DNAH11: variants seen among roughly 807,000 people sequenced by gnomAD.
DNAH11 encodes dynein axonemal heavy chain 11.
DNAH11 carries 442 observed loss-of-function variants against 526.0 expected under a neutral mutation model. The observed-to-expected ratio is 0.84, with a 90% CI of 0.78 to 0.91. The LOEUF is 0.91. DNAH11 is among the 40% of genes least tolerant of loss of function. DNAH11 has a pLI of 0.00. For missense variants in DNAH11, 6,989 were observed against 5,448.7 expected (o/e 1.28, Z -8.90); for synonymous variants, 2,461 against 1,935.9 (o/e 1.27, Z -7.12).
At chr7:21,560,788 AT>A (rs1783423161) in intron 4 of DNAH11, among the ~76,000 whole-genome samples, 1 of 152,210 alleles carries the variant, frequency 6.6e-6, no homozygotes, top group Non-Finnish European at 1.5e-5. Context: ...CCCAGGAACA[AT>A]ACTTTGCATC....
Position 21,564,246 on chromosome 7 carries a change from GTC to G in DNAH11, c.1046_1047del (p.Leu349ProfsTer30). 1 of 1,613,328 alleles carries G rather than the reference GTC, an allele frequency of 6.2e-7. No individual in the cohort carries two copies. Among genetic ancestry groups the G allele is most frequent in the Admixed American group, 1.7e-5 (1 of 59,952 alleles). On this transcript the variant is annotated frameshift_variant, in exon 6 of 82. Transcript: ENST00000409508. LOFTEE classifies it high-confidence loss of function. ...AGACCTCTGAGGAGACACATCCAGT[GTC>G]TCCAGGAGACGGAATTCCCACAGAC...
chr7:21,627,760 G>C (rs1476245103), intron 25 of DNAH11, among the ~76,000 whole-genome samples: 1 of 152,074 alleles, frequency 6.6e-6, no homozygotes, highest in Admixed American at 6.5e-5. Context: ...TGACTATTCA[G>C]GGTCTTCTGT....
intron 30 of DNAH11, among the ~76,000 whole-genome samples, chr7:21,662,230 A>G (rs1351003235): frequency 1.3e-5 from 2 of 152,212 alleles, no homozygotes; most frequent in Non-Finnish European, 2.9e-5. Flanking sequence ...GTGGTACACA[A>G]CTTATTTAAT....
At chr7:21,560,221 A>C (rs1265220375) in intron 4 of DNAH11, among the ~76,000 whole-genome samples, 1 of 152,198 alleles carries the variant, frequency 6.6e-6, no homozygotes, top group East Asian at 1.9e-4. Context: ...ACATCCATTC[A>C]CATGTCTTTT....
intron 54 of DNAH11, among the ~76,000 whole-genome samples, chr7:21,756,127 G>A (rs765387635): frequency 2.0e-5 from 3 of 151,446 alleles, no homozygotes; most frequent in Non-Finnish European, 4.4e-5. Context: ...AGCAATTTTT[G>A]CACTCCATGG....
chr7:21,663,820 C>A (rs541572008), intron 30 of DNAH11, among the ~76,000 whole-genome samples: 1 of 148,166 alleles, frequency 6.7e-6, no homozygotes, highest in Non-Finnish European at 1.5e-5. Context: ...TTGCTTTATT[C>A]GTCCATTGAT....
rs529270591 is a variant in DNAH11, at chr7:21,734,630, G to T, written c.7441-1010G>T. ...CTAGCCCTTTGGGAGGCTGAGGCAGGTGATCACTTCAGCCCAGGAGTTTGA... is the reference window on the plus strand; with the variant it reads ...CTAGCCCTTTGGGAGGCTGAGGCAGTTGATCACTTCAGCCCAGGAGTTTGA... On this transcript the variant is annotated intron_variant, in intron 45 of 81. Coordinates refer to ENST00000409508, the MANE Select transcript of DNAH11 (RefSeq NM_001277115.2). Among the ~76,000 whole-genome samples, 3 of 152,298 alleles carry T rather than the reference G, an allele frequency of 2.0e-5. No homozygotes were observed. In the East Asian group the frequency reaches 5.8e-4, roughly 29 times the overall value.
At chr7:21,726,132 A>C in intron 45 of DNAH11, 148 bp downstream of exon 45, 1 of 838,026 alleles carries the variant, frequency 1.2e-6, no homozygotes, top group Non-Finnish European at 1.7e-6. Flanking sequence ...GCATCTGCTG[A>C]GCTTCTGGGA....
Position 21,599,779 on chromosome 7 carries a change from G to A in DNAH11, c.2668-8G>A. The A allele has an allele frequency of 6.6e-7, 1 of 1,524,388 alleles. No homozygotes were observed. The highest frequency in any genetic ancestry group is 8.8e-7 in the Non-Finnish European group (1 of 1,135,692). 94.4% of individuals were successfully genotyped at this position (1,524,388 alleles called of 1,614,324 possible). ...TATATTCATCCACTAATACTTGTCT[G>A]TTTCTAGGAAAATAGGAAGCTCTTC... On this transcript the variant is annotated splice_polypyrimidine_tract_variant and splice_region_variant and intron_variant, in intron 14 of 81. Coordinates refer to ENST00000409508, the MANE Select transcript of DNAH11 (RefSeq NM_001277115.2).
chr7:21,716,625 G>C (rs1452770670), intron 42 of DNAH11, among the ~76,000 whole-genome samples: 2 of 152,180 alleles, frequency 1.3e-5, no homozygotes, highest in African/African-American at 4.8e-5. Flanking sequence ...CACTCTGGCA[G>C]CTGATATGGG....
At chr7:21,689,168 A>G (rs1190629163) in intron 34 of DNAH11, among the ~76,000 whole-genome samples, 1 of 152,206 alleles carries the variant, frequency 6.6e-6, no homozygotes, top group African/African-American at 2.4e-5. Context: ...GCCATGATAG[A>G]GAGGCTCAGT....
At chr7:21,716,005 T>G (rs1784648902) in intron 42 of DNAH11, among the ~76,000 whole-genome samples, 1 of 151,980 alleles carries the variant, frequency 6.6e-6, no homozygotes, top group Non-Finnish European at 1.5e-5. Flanking sequence ...ATCGGTAGAT[T>G]TTCTCTGAGA....
At chr7:21,707,962 C>A in intron 40 of DNAH11, 127 bp downstream of exon 40, 1 of 871,358 alleles carries the variant, frequency 1.1e-6, no homozygotes, top group Non-Finnish European at 1.7e-6. Flanking sequence ...GGAAATATAG[C>A]AGATCACAAC....
At chr7:21,557,999 T>C (rs982163178) in intron 2 of DNAH11, among the ~76,000 whole-genome samples, 1 of 152,212 alleles carries the variant, frequency 6.6e-6, no homozygotes, top group Admixed American at 6.5e-5. Context: ...TGAAAGTGAA[T>C]TTTCAGCTTT....
rs781337388 is a variant in DNAH11 at position 21,710,645 on chromosome 7, A to T, written c.6776A>T (p.Asp2259Val). 6.2e-7 allele frequency: 1 copy of T among 1,613,450 alleles called. No homozygotes were observed. Among genetic ancestry groups the T allele is most frequent in the Non-Finnish European group, 8.5e-7 (1 of 1,179,652 alleles). ...GATGGACCAAAATGGATAGTCCTGG[A>T]TGGCGATATTGACCCCATGTGGATT... ...KHDGPKWIVL[D>V]GDIDPMWIES... The change falls in exon 41 of 82, where the codon GAT becomes GTT. Residue 2259 changes from aspartate to valine, a missense_variant. Transcript: ENST00000409508.
At chr7:21,755,153 T>C (rs549015076) in intron 54 of DNAH11, among the ~76,000 whole-genome samples, 39 of 152,270 alleles carry the variant, frequency 2.6e-4, no homozygotes, top group Non-Finnish European at 4.7e-4. Flanking sequence ...GCAGAGACAA[T>C]GAGAACCTGT....
chr7:21,721,176 C>A, intron 44 of DNAH11, among the ~76,000 whole-genome samples: 1 of 152,178 alleles, frequency 6.6e-6, no homozygotes, highest in East Asian at 1.9e-4. Flanking sequence ...GACAGATCTC[C>A]TCCTCTGCCC....
chr7:21,611,104 C>T (rs1785506177), intron 20 of DNAH11, among the ~76,000 whole-genome samples: 1 of 152,116 alleles, frequency 6.6e-6, no homozygotes, highest in Non-Finnish European at 1.5e-5. Context: ...AGAAGATCCA[C>T]CTGCAGTGCG....
At chr7:21,867,168 C>T (rs1405093255) in intron 71 of DNAH11, among the ~76,000 whole-genome samples, 1 of 152,206 alleles carries the variant, frequency 6.6e-6, no homozygotes, top group Non-Finnish European at 1.5e-5. Context: ...TCTTTGCCCT[C>T]TTGGCTTCTA....
Sources: allele counts gnomAD v4.1 joint callset (sites outside exome capture counted in the v4.1 genomes callset), GRCh38; gene constraint gnomAD v4.1.1; transcripts MANE v1.5; gene names NCBI Gene and HGNC (gene_info 2026-07-23, HGNC 2026-07-21).